The following CREBBP variants were observed in gnomAD, a reference collection of about 807,000 sequenced individuals.
CREBBP encodes CREB binding lysine acetyltransferase.
CREBBP carries 19 observed loss-of-function variants against 265.0 expected under a neutral mutation model. That is an observed-to-expected ratio of 0.07 (90% CI 0.05 to 0.11). The LOEUF (loss-of-function observed/expected upper bound fraction) is 0.11, where lower values mean the gene tolerates loss of function less well. Among genes scored for constraint, CREBBP ranks in the 10% least tolerant of loss-of-function variants. The pLI, the probability that CREBBP is intolerant of heterozygous loss-of-function variation, is 1.00. For missense variants in CREBBP, 2,525 were observed against 3,219.0 expected (o/e 0.78, Z 5.22); for synonymous variants, 1,457 against 1,223.7 (o/e 1.19, Z -3.98).
chr16:3,858,925 A>G (rs1206828201), intron 1 of CREBBP, among the ~76,000 whole-genome samples: 1 of 152,216 alleles, frequency 6.6e-6, no homozygotes, highest in East Asian at 1.9e-4. Flanking sequence ...ATAAGCATGT[A>G]AGAGTTCAGA....
At chr16:3,860,139 T>G (rs1318829005) in intron 1 of CREBBP, among the ~76,000 whole-genome samples, 1 of 151,970 alleles carries the variant, frequency 6.6e-6, no homozygotes, top group African/African-American at 2.4e-5. Flanking sequence ...GCTGGGGGCA[T>G]CTCCACAAAT....
intron 23 of CREBBP, among the ~76,000 whole-genome samples, chr16:3,744,542 G>A (rs1201835796): frequency 6.6e-6 from 1 of 152,160 alleles, no homozygotes; most frequent in Non-Finnish European, 1.5e-5. Flanking sequence ...TTTTACACTT[G>A]ATGAAGATCC....
rs769109100 is a variant in CREBBP at position 3,727,945 on chromosome 16, G to T, written c.7102C>A (p.Gln2368Lys). ...ACGTGGTGTGGCGAAGGCTGGGGCT[G>T]TATCCGTGGTGACGGGCTGGAATGT... is the stretch of plus-strand genomic sequence containing the variant. ...PPHSSPSPRI[Q>K]PQPSPHHVSP... Residue 2368 changes from glutamine to lysine, a missense_variant, in exon 31 of 31, where the codon CAG (glutamine) becomes AAG (lysine). Gln to Lys is a moderately conservative substitution (Grantham distance 53). This residue lies in a region of CREBBP where 473 missense variants were observed against 459.3 expected (regional missense o/e 1.03). Coordinates refer to ENST00000262367, the MANE Select transcript of CREBBP (RefSeq NM_004380.3). 4 of 1,607,970 alleles carry T rather than the reference G, an allele frequency of 2.5e-6. No individual in the cohort carries two copies. The highest frequency in any genetic ancestry group is 3.4e-6 in the Non-Finnish European group (4 of 1,175,898).
chr16:3,871,021 G>A (rs545462308), intron 1 of CREBBP, among the ~76,000 whole-genome samples: 1 of 149,384 alleles, frequency 6.7e-6, no homozygotes, highest in African/African-American at 2.5e-5. Flanking sequence ...GGGAGGGGAA[G>A]GGGAAGGGGA....
chr16:3,736,485 G>T, intron 27 of CREBBP, 165 bp downstream of exon 27: 1 of 1,058,386 alleles, frequency 9.4e-7, no homozygotes, highest in Non-Finnish European at 1.4e-6. Context: ...GCCTCAATCA[G>T]CTGAAGAAAA....
At chr16:3,793,211 C>G (rs2053540769) in intron 4 of CREBBP, among the ~76,000 whole-genome samples, 175 bp downstream of exon 4, 1 of 152,218 alleles carries the variant, frequency 6.6e-6, no homozygotes, top group African/African-American at 2.4e-5. Flanking sequence ...ATAAGACTTC[C>G]TGGAGCACCT....
Position 3,758,893 on chromosome 16 carries a change from A to G in CREBBP, c.3330T>C (p.Pro1110=), listed in dbSNP as rs750649229. Residue 1110 remains proline (P), a synonymous_variant, in exon 17 of 31, where the codon CCT becomes CCC. Coordinates refer to ENST00000262367, the MANE Select transcript of CREBBP (RefSeq NM_004380.3). ...ALYRQDPESL[P]FRQPVDPQLL... is the part of the protein sequence containing the mutation. Reference sequence around the variant, plus strand: ...GCTGGGGATCTACAGGCTGCCGGAAAGGTAATGACTCTGGGTCCTGTCGAT... The same window carrying G: ...GCTGGGGATCTACAGGCTGCCGGAAGGGTAATGACTCTGGGTCCTGTCGAT... The G allele has an allele frequency of 6.2e-7, 1 of 1,612,902 alleles. No individual in the cohort carries two copies. Among genetic ancestry groups the G allele is most frequent in the Non-Finnish European group, 8.5e-7 (1 of 1,180,016 alleles).
intron 13 of CREBBP, among the ~76,000 whole-genome samples, chr16:3,771,969 CCTAG>C (rs1739201750): frequency 6.6e-6 from 1 of 151,784 alleles, no homozygotes; most frequent in Admixed American, 6.6e-5. Flanking sequence ...CAATACCATG[CCTAG>C]CTAATTAATT....
chr16:3,807,015 G>A (rs1282838272), intron 3 of CREBBP, among the ~76,000 whole-genome samples: 2 of 152,122 alleles, frequency 1.3e-5, no homozygotes, highest in Admixed American at 6.5e-5. Flanking sequence ...TGAGTGCTAC[G>A]CAGACCTCTT....
rs1352562011 is a variant in CREBBP at position 3,726,503 on chromosome 16, G to A, written c.*1215C>T. 7.7e-5 allele frequency: 18 copies of A among 233,328 alleles called. No individual in the cohort carries two copies. In the Admixed American group the frequency reaches 7.9e-4, roughly 10 times the overall value. 14.5% of individuals were successfully genotyped at this position (233,328 alleles called of 1,614,324 possible). On this transcript the variant is annotated 3_prime_UTR_variant, in exon 31 of 31. Transcript: ENST00000262367. ...GCCACAGTTCCCAGCCACCACCCAC[G>A]CCGCCACAACCACAACCGCAGCCCC... is the stretch of plus-strand genomic sequence containing the variant.
chr16:3,827,109 T>A (rs1056708610), intron 2 of CREBBP, among the ~76,000 whole-genome samples: 4 of 151,970 alleles, frequency 2.6e-5, no homozygotes, highest in Non-Finnish European at 4.4e-5. Context: ...ACACTATAAT[T>A]GAGCCTGTGA....
chr16:3,745,683 C>T, intron 21 of CREBBP: 5 of 412,644 alleles, frequency 1.2e-5, no homozygotes, highest in South Asian at 6.7e-5. Flanking sequence ...CACTGCTACA[C>T]ATTTGCAAGA....
chr16:3,836,301 G>A (rs1050040803), intron 2 of CREBBP, among the ~76,000 whole-genome samples: 4 of 151,896 alleles, frequency 2.6e-5, no homozygotes, highest in African/African-American at 9.7e-5. Flanking sequence ...GGGCATGGTG[G>A]TGCACACCTG....
intron 20 of CREBBP, 120 bp downstream of exon 20, chr16:3,751,606 A>G (rs2052475544): frequency 2.8e-6 from 3 of 1,054,170 alleles, no homozygotes; most frequent in African/African-American, 1.6e-5. Context: ...CAAAAAACCA[A>G]AAAACATTGC....
intron 13 of CREBBP, among the ~76,000 whole-genome samples, chr16:3,773,073 G>T (rs992021481): frequency 1.3e-5 from 2 of 151,880 alleles, no homozygotes; most frequent in Non-Finnish European, 2.9e-5. Flanking sequence ...GCAACAAAAC[G>T]AGACCCTGTC....
intron 1 of CREBBP, among the ~76,000 whole-genome samples, chr16:3,872,991 T>G (rs17199030): frequency 0.17 from 25,160 of 152,226 alleles, 2,818 homozygotes; most frequent in Non-Finnish European, 0.24. Context: ...CTTATTCAGA[T>G]CACCCTTTCT....
chr16:3,730,044 G>T (rs777048891), intron 30 of CREBBP, among the ~76,000 whole-genome samples, 170 bp from the exon 31 acceptor site: 1 of 152,130 alleles, frequency 6.6e-6, no homozygotes, highest in African/African-American at 2.4e-5. Flanking sequence ...CGGACAGGGC[G>T]GGAGCACGGA....
intron 1 of CREBBP, among the ~76,000 whole-genome samples, chr16:3,862,775 G>C (rs1395822214): frequency 6.6e-6 from 1 of 152,122 alleles, no homozygotes; most frequent in Non-Finnish European, 1.5e-5. Context: ...CCACGGCAGA[G>C]CAGCCAGCTT....
At chr16:3,766,052 AT>A (rs890773383) in intron 16 of CREBBP, among the ~76,000 whole-genome samples, 15 of 151,680 alleles carry the variant, frequency 9.9e-5, no homozygotes, top group Admixed American at 4.6e-4. Flanking sequence ...ACAAATGTTG[AT>A]TTTTTTTTGA....
Sources: allele counts gnomAD v4.1 joint callset (sites outside exome capture counted in the v4.1 genomes callset), GRCh38; gene constraint gnomAD v4.1.1; regional missense constraint gnomAD v4.1.1; transcripts MANE v1.5; gene names NCBI Gene and HGNC (gene_info 2026-07-23, HGNC 2026-07-21).